The following CDH18 variants were observed in gnomAD, a reference collection of about 807,000 sequenced individuals.
CDH18 encodes cadherin 18, also known as cadherin-18.
CDH18 carries 31 observed loss-of-function variants against 67.9 expected under a neutral mutation model. The observed-to-expected ratio is 0.46, with a 90% confidence interval of 0.34 to 0.62. The LOEUF is 0.62. Among genes scored for constraint, CDH18 ranks in the 20% least tolerant of loss-of-function variants. The probability of loss-of-function intolerance (pLI) is 0.01; values close to 1 mark genes in which losing one functional copy is unlikely to be tolerated. For missense variants in CDH18, 890 were observed against 975.5 expected, an observed-to-expected ratio of 0.91 and a Z score of 1.17; for synonymous variants, 362 against 347.2, an observed-to-expected ratio of 1.04 and a Z score of -0.48.
At chr5:20,538,074 T>C (rs1756829157) in intron 1 of CDH18, among the ~76,000 whole-genome samples, 1 of 142,476 alleles carries the variant, frequency 7.0e-6, no homozygotes. Flanking sequence ...AAGCTCAGAA[T>C]TATGAGTTTA....
At chr5:20,022,411 T>A (rs994851556) in intron 2 of CDH18, among the ~76,000 whole-genome samples, 1 of 152,230 alleles carries the variant, frequency 6.6e-6, no homozygotes, top group Non-Finnish European at 1.5e-5. Context: ...ATGAATGATA[T>A]TACCATCTGC....
chr5:19,923,439 T>A (rs1304459902), intron 2 of CDH18, among the ~76,000 whole-genome samples: 1 of 152,182 alleles, frequency 6.6e-6, no homozygotes, highest in Non-Finnish European at 1.5e-5. Flanking sequence ...TTGTTACACA[T>A]CAATAGACAT....
intron 2 of CDH18, among the ~76,000 whole-genome samples, chr5:19,953,249 T>C (rs1273799259): frequency 1.3e-5 from 2 of 152,072 alleles, no homozygotes; most frequent in Non-Finnish European, 2.9e-5. Flanking sequence ...TGTTGTTAAA[T>C]ACAACAAAAA....
chr5:20,102,962 C>T (rs542455854), intron 2 of CDH18, among the ~76,000 whole-genome samples: 2 of 152,228 alleles, frequency 1.3e-5, no homozygotes, highest in South Asian at 2.1e-4. Flanking sequence ...ATAAAACACA[C>T]ATAACAAAAA....
chr5:19,538,019 G>C (rs575715167), intron 9 of CDH18, among the ~76,000 whole-genome samples: 178 of 152,240 alleles, frequency 1.2e-3, no homozygotes, highest in Non-Finnish European at 2.0e-3. Flanking sequence ...AAAAAGTATT[G>C]ATAGGTTTTG....
At chr5:19,687,541 C>T (rs1761278523) in intron 5 of CDH18, among the ~76,000 whole-genome samples, 1 of 152,146 alleles carries the variant, frequency 6.6e-6, no homozygotes, top group Non-Finnish European at 1.5e-5. Flanking sequence ...GACAAGGGAG[C>T]CATAGCACAT....
intron 2 of CDH18, among the ~76,000 whole-genome samples, chr5:19,873,797 G>A (rs1467679839): frequency 6.6e-6 from 1 of 152,012 alleles, no homozygotes; most frequent in Admixed American, 6.6e-5. Flanking sequence ...ACAGGAATAT[G>A]CTGCCATGCC....
At chr5:20,366,251 G>C (rs1391141185) in intron 1 of CDH18, among the ~76,000 whole-genome samples, 4 of 152,068 alleles carry the variant, frequency 2.6e-5, no homozygotes, top group African/African-American at 9.7e-5. Flanking sequence ...ATAGAAAATG[G>C]AGAATAATGA....
chr5:20,305,537 C>T (rs1304721097), intron 1 of CDH18: 10 of 808,132 alleles, frequency 1.2e-5, no homozygotes, highest in Admixed American at 5.6e-5. Flanking sequence ...GGGTCTCGAG[C>T]GGCTGGTGGT....
intron 1 of CDH18, among the ~76,000 whole-genome samples, chr5:20,546,498 G>A (rs1703037): frequency 0.44 from 67,026 of 151,930 alleles, 15,215 homozygotes; most frequent in East Asian, 0.57. Flanking sequence ...ATTTACAATC[G>A]TGGTGGAAGG....
intron 2 of CDH18, among the ~76,000 whole-genome samples, chr5:20,094,747 A>T (rs1037099698): frequency 6.6e-6 from 1 of 151,998 alleles, no homozygotes; most frequent in Non-Finnish European, 1.5e-5. Flanking sequence ...GACAGTGTGG[A>T]GATTCCTCAA....
chr5:19,510,188 T>A (rs185204221), intron 10 of CDH18, among the ~76,000 whole-genome samples: 2 of 152,164 alleles, frequency 1.3e-5, no homozygotes, highest in Non-Finnish European at 2.9e-5. Context: ...AGTTTCTTAT[T>A]CCAACTCTGC....
At chr5:19,991,432 T>C (rs1029370275), upstream of CDH18, among the ~76,000 whole-genome samples, 4 of 152,158 alleles carry the variant, frequency 2.6e-5, no homozygotes, top group Non-Finnish European at 5.9e-5. Context: ...AACATATCTA[T>C]CACCTCTATG....
intron 2 of CDH18, among the ~76,000 whole-genome samples, chr5:19,842,476 T>C (rs554419522): frequency 6.6e-6 from 1 of 152,174 alleles, no homozygotes; most frequent in Non-Finnish European, 1.5e-5. Context: ...AAAAAGAACA[T>C]GTTTGCTTCC....
chr5:19,967,748 A>G (rs1011767377), intron 2 of CDH18, among the ~76,000 whole-genome samples: 2 of 152,164 alleles, frequency 1.3e-5, no homozygotes, highest in Non-Finnish European at 2.9e-5. Flanking sequence ...TGAATGGGCA[A>G]AAACTGGAAG....
intron 2 of CDH18, among the ~76,000 whole-genome samples, chr5:20,101,123 T>A (rs1746427340): frequency 6.6e-6 from 1 of 151,930 alleles, no homozygotes; most frequent in Non-Finnish European, 1.5e-5. Flanking sequence ...GCTTTTTTTT[T>A]TCTTCAGTTT....
At chr5:20,318,655 A>G (rs899625744) in intron 1 of CDH18, among the ~76,000 whole-genome samples, 1 of 152,044 alleles carries the variant, frequency 6.6e-6, no homozygotes, top group Non-Finnish European at 1.5e-5. Flanking sequence ...TTCTGCCATG[A>G]CTGTGAGTTT....
At chr5:20,259,236 G>A (rs1744467134) in intron 1 of CDH18, among the ~76,000 whole-genome samples, 1 of 152,112 alleles carries the variant, frequency 6.6e-6, no homozygotes, top group African/African-American at 2.4e-5. Context: ...AGGAAAGTGA[G>A]GAATGTTACT....
At chr5:19,510,453 A>G (rs936557639) in intron 10 of CDH18, among the ~76,000 whole-genome samples, 12 of 152,182 alleles carry the variant, frequency 7.9e-5, no homozygotes, top group Non-Finnish European at 1.2e-4. Context: ...CACAAGCAAC[A>G]GCATAATAAG....
Sources: allele counts gnomAD v4.1 joint callset (sites outside exome capture counted in the v4.1 genomes callset), GRCh38; gene constraint gnomAD v4.1.1; transcripts MANE v1.5; gene names NCBI Gene and HGNC (gene_info 2026-07-23, HGNC 2026-07-21).